The following ZNF827 variants were observed in gnomAD, a reference collection of about 807,000 sequenced individuals.
ZNF827 encodes zinc finger protein 827.
In ZNF827, 13 loss-of-function variants were observed where a neutral mutation model predicts 102.4. That is an observed-to-expected ratio of 0.13 (90% CI 0.08 to 0.20). The LOEUF is 0.20. Ranked by LOEUF, ZNF827 falls within the 10% of genes least tolerant of loss-of-function variation. ZNF827 has a pLI of 1.00. For synonymous variants in ZNF827, 523 were observed against 536.2 expected, an observed-to-expected ratio of 0.98 and a Z score of 0.34; for missense variants, 1,103 against 1,344.4, an observed-to-expected ratio of 0.82 and a Z score of 2.81.
At chr4:145,930,693 A>G (rs909530748) in intron 1 of ZNF827, among the ~76,000 whole-genome samples, 1 of 152,222 alleles carries the variant, frequency 6.6e-6, no homozygotes, top group Non-Finnish European at 1.5e-5. Flanking sequence ...CTTTTTAGGC[A>G]CACTGAATTT....
chr4:145,810,980 A>G (rs1209257265), intron 8 of ZNF827, among the ~76,000 whole-genome samples: 2 of 149,728 alleles, frequency 1.3e-5, no homozygotes, highest in Admixed American at 1.3e-4. Context: ...TGCAACCAAG[A>G]GAACTCATTT....
At position 145,763,018 on chromosome 4, in the gene ZNF827, C is replaced by T. The variant is rs775969368; in HGVS notation, c.*17+72G>A. 2.1e-6 allele frequency: 3 copies of T among 1,400,620 alleles called. No individual in the cohort carries two copies. The highest frequency in any genetic ancestry group is 2.1e-4 in the Middle Eastern group (1 of 4,864). 86.8% of individuals were successfully genotyped at this position (1,400,620 alleles called of 1,614,324 possible). ...TTGAACCTCAGCTCACAGAAGAGTGCACACGAGAGAAATATAAAGCCCATT... is the reference window on the plus strand; with the variant it reads ...TTGAACCTCAGCTCACAGAAGAGTGTACACGAGAGAAATATAAAGCCCATT... On this transcript the variant is annotated intron_variant, in intron 14 of 14. Coordinates refer to ENST00000508784, the MANE Select transcript of ZNF827 (RefSeq NM_001306215.2). The surrounding 1 kb of genome is among the most constrained non-coding windows in gnomAD (Gnocchi z 4.6).
intron 8 of ZNF827, among the ~76,000 whole-genome samples, chr4:145,811,785 T>G (rs1282362728): frequency 6.6e-6 from 1 of 152,220 alleles, no homozygotes; most frequent in Non-Finnish European, 1.5e-5. Flanking sequence ...TTTTGCCTGA[T>G]TGGGATCAAA....
chr4:145,888,114 A>G lies in ZNF827; in HGVS notation c.1267-1956T>C, dbSNP rs1750277212. On this transcript the variant is annotated intron_variant, in intron 3 of 14. Transcript: ENST00000508784. Reference sequence around the variant, plus strand: ...TTTTTCACCAGATCCTGGCCTTGTTATATTTAGTTATGGACAAATTAGTGA... The same window carrying G: ...TTTTTCACCAGATCCTGGCCTTGTTGTATTTAGTTATGGACAAATTAGTGA... 2.0e-5 allele frequency among the ~76,000 whole-genome samples: 3 copies of G among 152,212 alleles called. No individual in the cohort carries two copies. The South Asian group carries it at 6.2e-4, about 32-fold the overall frequency.
intron 1 of ZNF827, among the ~76,000 whole-genome samples, chr4:145,914,076 C>CAT (rs935767666): frequency 5.3e-5 from 8 of 151,914 alleles, no homozygotes; most frequent in African/African-American, 1.9e-4. Flanking sequence ...CACACACACA[C>CAT]ACACACACAC....
At chr4:145,849,593 C>T (rs1328362911) in intron 5 of ZNF827, 32 bp from the exon 6 acceptor site, 2 of 1,610,644 alleles carry the variant, frequency 1.2e-6, no homozygotes, top group Non-Finnish European at 1.7e-6. Flanking sequence ...GAAACAAAAA[C>T]ACCACCATTT....
rs1751545349 is a variant in ZNF827 at position 145,902,936 on chromosome 4, A to G, written c.323T>C (p.Leu108Ser). The change falls in exon 2 of 15, where the codon TTG becomes TCG. Residue 108 changes from leucine to serine, a missense_variant. Leu to Ser is a moderately radical substitution (Grantham distance 145, BLOSUM62 -2). This residue lies in a region of ZNF827 where 441 missense variants were observed against 458.6 expected (regional missense o/e 0.96). Transcript: ENST00000508784. The surrounding 1 kb of genome is among the most constrained non-coding windows in gnomAD (Gnocchi z 4.3). ...QDHLSPGVSS[L>S]CDDDPGSNKP... is the part of the protein sequence containing the mutation. ...GTTGGAGCCTGGGTCATCGTCACACAAAGAAGACACTCCCGGGGAAAGGTG... is the reference window on the plus strand; with the variant it reads ...GTTGGAGCCTGGGTCATCGTCACACGAAGAAGACACTCCCGGGGAAAGGTG... 3 of 1,614,178 alleles carry G rather than the reference A, an allele frequency of 1.9e-6. No homozygotes were observed. The highest frequency in any genetic ancestry group is 1.6e-4 in the Middle Eastern group (1 of 6,062).
intron 2 of ZNF827, among the ~76,000 whole-genome samples, chr4:145,894,084 A>C (rs1433245479): frequency 6.6e-6 from 1 of 152,214 alleles, no homozygotes; most frequent in Non-Finnish European, 1.5e-5. Flanking sequence ...TGTTTCTGTT[A>C]GATGTGACAG....
At chr4:145,852,617 T>C (rs1219573912) in intron 5 of ZNF827, among the ~76,000 whole-genome samples, 2 of 152,174 alleles carry the variant, frequency 1.3e-5, no homozygotes, top group Admixed American at 1.3e-4. Context: ...CAAGCAGGAT[T>C]TCTCAACCTC....
Position 145,765,712 on chromosome 4 carries a change from A to G in ZNF827, c.2887T>C (p.Ser963Pro). ...TGEDRKTPSE[S>P]NSPSSSSLSA... ...AGGGAGGATGAAGAGGGGCTATTTG[A>G]TTCGCTGGGGGTCTTCCTGTCTTCC... Residue 963 changes from serine (S) to proline (P), a missense_variant, in exon 12 of 15, where the codon TCA becomes CCA. Coordinates refer to ENST00000508784, the MANE Select transcript of ZNF827 (RefSeq NM_001306215.2). This position sits in a 1 kb window ranked among gnomAD's most constrained non-coding sequence, Gnocchi z 4.7. 1 of 1,614,048 alleles carries G rather than the reference A, an allele frequency of 6.2e-7. No individual in the cohort carries two copies. Among genetic ancestry groups the G allele is most frequent in the Non-Finnish European group, 8.5e-7 (1 of 1,179,982 alleles).
intron 1 of ZNF827, among the ~76,000 whole-genome samples, chr4:145,935,475 CAT>C (rs1206141909): frequency 1.3e-5 from 2 of 152,206 alleles, no homozygotes; most frequent in African/African-American, 4.8e-5. Flanking sequence ...GCTTTAAAAA[CAT>C]GTGCAAAACA....
intron 1 of ZNF827, among the ~76,000 whole-genome samples, 169 bp from the exon 2 acceptor site, chr4:145,903,384 A>G (rs978490733): frequency 6.6e-6 from 1 of 152,240 alleles, no homozygotes; most frequent in Non-Finnish European, 1.5e-5. Context: ...AGAAGCCTGA[A>G]AAAAGTAAAA....
chr4:145,922,962 A>G (rs566966492), intron 1 of ZNF827, among the ~76,000 whole-genome samples: 1 of 152,218 alleles, frequency 6.6e-6, no homozygotes, highest in Admixed American at 6.5e-5. Flanking sequence ...CACCTTTCAG[A>G]TAACATCAGT....
intron 8 of ZNF827, among the ~76,000 whole-genome samples, chr4:145,782,253 G>A (rs1002953515): frequency 3.3e-5 from 5 of 152,206 alleles, no homozygotes; most frequent in East Asian, 1.9e-4. Context: ...ACATGACCTC[G>A]AAATCACGGC....
chr4:145,847,999 G>T (rs1020739747), intron 6 of ZNF827, among the ~76,000 whole-genome samples: 5 of 152,126 alleles, frequency 3.3e-5, no homozygotes, highest in African/African-American at 1.2e-4. Context: ...GGTCACCCAG[G>T]CAGTGACAGC....
intron 11 of ZNF827, among the ~76,000 whole-genome samples, chr4:145,769,069 T>C (rs999087254): frequency 1.3e-5 from 2 of 150,968 alleles, no homozygotes; most frequent in African/African-American, 4.9e-5. Context: ...AAGGAAGAAA[T>C]ATGTACCCAC....
intron 1 of ZNF827, among the ~76,000 whole-genome samples, chr4:145,925,310 C>T (rs1483823044): frequency 1.3e-5 from 2 of 152,216 alleles, no homozygotes; most frequent in Admixed American, 1.3e-4. Context: ...GGAATGTTCT[C>T]TCCTCTCTGC....
intron 8 of ZNF827, among the ~76,000 whole-genome samples, chr4:145,782,425 C>T (rs1050488197): frequency 3.3e-5 from 5 of 152,146 alleles, no homozygotes; most frequent in African/African-American, 9.7e-5. Context: ...GTGAATGATG[C>T]CACCCAAGTG....
intron 8 of ZNF827, among the ~76,000 whole-genome samples, chr4:145,812,295 T>C (rs902316583): frequency 2.6e-5 from 4 of 152,066 alleles, no homozygotes; most frequent in Non-Finnish European, 4.4e-5. Flanking sequence ...TATTATCACA[T>C]GAGAAAATCA....
Sources: gnomAD v4.1 joint callset for allele counts (sites outside exome capture counted in the v4.1 genomes callset) on GRCh38, gnomAD v4.1.1 for gene constraint, gnomAD v4.1.1 regional missense constraint, Gnocchi (gnomAD v3.1) non-coding constraint, MANE v1.5 for transcripts, NCBI Gene and HGNC (gene_info 2026-07-23, HGNC 2026-07-21) for gene names.